The following BCAP29 variants were observed in gnomAD, a reference collection of about 807,000 sequenced individuals.
BCAP29 encodes the protein B-cell receptor-associated protein 29.
BCAP29 carries 34 observed loss-of-function variants against 31.8 expected under a neutral mutation model. That is an observed-to-expected ratio of 1.07 (90% CI 0.81 to 1.42). The LOEUF (loss-of-function observed/expected upper bound fraction) is 1.42, where lower values mean the gene tolerates loss of function less well. Among genes scored for constraint, BCAP29 ranks in the 40% most tolerant of loss-of-function variants. BCAP29 has a pLI of 0.00. For missense variants in BCAP29, 314 were observed against 269.2 expected (o/e 1.17, Z -1.16); for synonymous variants, 104 against 91.3 (o/e 1.14, Z -0.79).
intron 3 of BCAP29, among the ~76,000 whole-genome samples, chr7:107,585,384 G>T (rs1389164437): frequency 6.6e-6 from 1 of 152,156 alleles, no homozygotes; most frequent in East Asian, 1.9e-4. Flanking sequence ...GTAAATATTT[G>T]TCTCATGGTA....
intron 7 of BCAP29, chr7:107,613,655 A>G: frequency 6.2e-7 from 1 of 1,605,150 alleles, no homozygotes; most frequent in Non-Finnish European, 8.5e-7. Context: ...TACTTACAGC[A>G]TTCCAGTTTT....
In BCAP29 at chr7:107,595,851, T is replaced by C; in HGVS notation, c.345-16T>C. 1 of 1,591,306 alleles carries C rather than the reference T, an allele frequency of 6.3e-7. No homozygotes were observed. The highest frequency in any genetic ancestry group is 8.5e-7 in the Non-Finnish European group (1 of 1,174,080). ...GTGATTGGCCAGTAATACATTATTC[T>C]GGTTTTTTTTCTTAGAGTTTTGAGA... On this transcript the variant is annotated splice_polypyrimidine_tract_variant and intron_variant, in intron 4 of 7. Transcript: ENST00000005259.
chr7:107,600,285 A>C (rs1195538207), intron 5 of BCAP29, 112 bp from the exon 6 acceptor site: 1 of 714,314 alleles, frequency 1.4e-6, no homozygotes, highest in East Asian at 2.7e-5. Flanking sequence ...AAAAGGACAA[A>C]GAATAAATTA....
intron 5 of BCAP29, among the ~76,000 whole-genome samples, chr7:107,596,890 A>C (rs1228916842): frequency 6.6e-6 from 1 of 152,196 alleles, no homozygotes; most frequent in African/African-American, 2.4e-5. Context: ...AACTTATGTC[A>C]TGATTACCAA....
downstream of BCAP29, chr7:107,621,684 G>A: frequency 2.1e-6 from 1 of 471,806 alleles, no homozygotes; most frequent in Non-Finnish European, 4.4e-6. Context: ...GACCACAGAG[G>A]CAGAGATTGG....
chr7:107,593,036 T>C (rs1585092312), intron 3 of BCAP29, among the ~76,000 whole-genome samples: 2 of 152,316 alleles, frequency 1.3e-5, no homozygotes, highest in Admixed American at 1.3e-4. Flanking sequence ...TTATACATTT[T>C]AAAGAGGTAA....
Position 107,612,437 on chromosome 7 carries a change from A to ATATTTATTTATT in BCAP29, c.590-886_590-885insATTTATTTATTT, listed in dbSNP as rs1554480153. On this transcript the variant is annotated intron_variant, in intron 6 of 7. Coordinates refer to ENST00000005259, the MANE Select transcript of BCAP29 (RefSeq NM_018844.4). ...TATATATATATATATATATATATAT[A>ATATTTATTTATT]TATTTATTTTACTTCTATCTAAGGC... Among the ~76,000 whole-genome samples, 275 of 113,190 alleles carry ATATTTATTTATT rather than the reference A, an allele frequency of 2.4e-3. 23 individuals are homozygous for ATATTTATTTATT. The highest frequency in any genetic ancestry group is 9.5e-3 in the African/African-American group (255 of 26,742). 74.3% of individuals were successfully genotyped at this position (113,190 alleles called of 152,430 possible).
At chr7:107,601,246 G>A (rs922368291) in intron 6 of BCAP29, among the ~76,000 whole-genome samples, 1 of 152,132 alleles carries the variant, frequency 6.6e-6, no homozygotes, top group African/African-American at 2.4e-5. Flanking sequence ...CAACATTTCT[G>A]CATACAACAG....
At chr7:107,605,774 A>G (rs1811977621) in intron 6 of BCAP29, among the ~76,000 whole-genome samples, 1 of 152,192 alleles carries the variant, frequency 6.6e-6, no homozygotes, top group Non-Finnish European at 1.5e-5. Context: ...CATGTTTACT[A>G]CAATCCTTCA....
chr7:107,620,435 T>G lies in BCAP29; in HGVS notation c.*2072T>G, dbSNP rs1310604430. 1 of 152,256 alleles carries G rather than the reference T, an allele frequency of 6.6e-6. No homozygotes were observed. The highest frequency in any genetic ancestry group is 1.5e-5 in the Non-Finnish European group (1 of 68,038). 9.4% of individuals were successfully genotyped at this position (152,256 alleles called of 1,614,324 possible). On this transcript the variant is annotated 3_prime_UTR_variant, in exon 8 of 8. Coordinates refer to ENST00000005259, the MANE Select transcript of BCAP29 (RefSeq NM_018844.4). ...TACTCTCCTTAATAATGGTGGTGTT[T>G]AGCAAATTGTATTACATAAATAAAT...
intron 4 of BCAP29, 141 bp from the exon 5 acceptor site, chr7:107,595,724 TAA>T: frequency 1.2e-6 from 1 of 829,166 alleles, no homozygotes; most frequent in Non-Finnish European, 1.8e-6. Flanking sequence ...AGACTTGAAT[TAA>T]AAAAAGAATA....
intron 5 of BCAP29, among the ~76,000 whole-genome samples, chr7:107,596,868 C>T (rs1809917712): frequency 6.6e-6 from 1 of 152,202 alleles, no homozygotes. Flanking sequence ...GAACCATTTA[C>T]CCATGCAAGG....
chr7:107,595,296 A>G (rs1009501748), intron 4 of BCAP29, among the ~76,000 whole-genome samples: 3 of 152,242 alleles, frequency 2.0e-5, no homozygotes, highest in African/African-American at 7.2e-5. Context: ...TTCCACAACT[A>G]GGAGCTAAAC....
At chr7:107,620,855 C>G (rs1202334078), downstream of BCAP29, 1 of 152,218 alleles carries the variant, frequency 6.6e-6, no homozygotes, top group Non-Finnish European at 1.5e-5. Context: ...CAGAGTCCTG[C>G]CCTGGAACCC....
chr7:107,608,863 G>A (rs1812639321), intron 6 of BCAP29, among the ~76,000 whole-genome samples: 1 of 152,132 alleles, frequency 6.6e-6, no homozygotes, highest in Non-Finnish European at 1.5e-5. Flanking sequence ...TTTTTCAAAT[G>A]CTTAAAGCTT....
chr7:107,607,348 G>A (rs1223565195), intron 6 of BCAP29, among the ~76,000 whole-genome samples: 1 of 152,100 alleles, frequency 6.6e-6, no homozygotes, highest in Admixed American at 6.5e-5. Flanking sequence ...GTGCCTCCAG[G>A]TTTCTAAATG....
At chr7:107,599,299 T>C (rs1420490212) in intron 5 of BCAP29, among the ~76,000 whole-genome samples, 1 of 67,572 alleles carries the variant, frequency 1.5e-5, no homozygotes, top group Non-Finnish European at 2.7e-5. Context: ...ATATAAATTA[T>C]ATATAAATTT....
At chr7:107,591,656 A>ACACACACACACACACACACCC in intron 3 of BCAP29, among the ~76,000 whole-genome samples, 2 of 136,172 alleles carry the variant, frequency 1.5e-5, no homozygotes, top group Admixed American at 1.5e-4. Context: ...ACACACACAC[A>ACACACACACACACACACACCC]CCCTATTGGT....
chr7:107,597,023 T>C (rs1809976260), intron 5 of BCAP29, among the ~76,000 whole-genome samples: 1 of 152,178 alleles, frequency 6.6e-6, no homozygotes, highest in Non-Finnish European at 1.5e-5. Context: ...ACAGATATGC[T>C]GGGCTAAAGC....
Sources: allele counts gnomAD v4.1 joint callset (sites outside exome capture counted in the v4.1 genomes callset), GRCh38; gene constraint gnomAD v4.1.1; transcripts MANE v1.5; gene names NCBI Gene and HGNC (gene_info 2026-07-23, HGNC 2026-07-21).